The following MCF2L variants were observed in gnomAD, a reference collection of about 807,000 sequenced individuals.
The protein encoded by MCF2L is guanine nucleotide exchange factor DBS.
In MCF2L, 97 loss-of-function variants were observed where a neutral mutation model predicts 153.4. The observed-to-expected ratio is 0.63, with a 90% CI of 0.54 to 0.75. MCF2L has a LOEUF of 0.75. Among genes scored for constraint, MCF2L ranks in the 30% least tolerant of loss-of-function variants. The probability of loss-of-function intolerance (pLI) is 0.00; values close to 1 mark genes in which losing one functional copy is unlikely to be tolerated. For missense variants in MCF2L, 1,347 were observed against 1,495.2 expected (o/e 0.90, Z 1.64); for synonymous variants, 659 against 632.2 (o/e 1.04, Z -0.64).
At position 113,000,193 on chromosome 13, in the gene MCF2L, G is replaced by C. The variant is rs1484877867; in HGVS notation, c.80-14570G>C. 6.6e-5 allele frequency among the ~76,000 whole-genome samples: 10 copies of C among 152,356 alleles called. No homozygotes were observed. The South Asian group carries it at 8.3e-4, about 13-fold the overall frequency. On this transcript the variant is annotated intron_variant, in intron 1 of 29. Coordinates refer to ENST00000535094, the MANE Select transcript of MCF2L (RefSeq NM_001112732.3). ...GAACACAGAGATCCCAGACACAGGA[G>C]GTCTGGGTCAATGTGCACAGCCCAA... is the stretch of plus-strand genomic sequence containing the variant.
chr13:112,918,465 G>A (rs573081952), intron 2 of MCF2L, among the ~76,000 whole-genome samples: 6 of 152,310 alleles, frequency 3.9e-5, no homozygotes, highest in African/African-American at 1.4e-4. Context: ...GCAGGCCCTT[G>A]TCCTTGTTGG....
intron 23 of MCF2L, 53 bp from the exon 24 acceptor site, chr13:113,088,274 G>A (rs1595006450): frequency 1.4e-6 from 2 of 1,442,596 alleles, no homozygotes; most frequent in Non-Finnish European, 2.0e-6. Flanking sequence ...ACCAAAGCGT[G>A]TTTCCTCGGG....
At chr13:112,945,522 CT>C (rs2081628585) in intron 2 of MCF2L, among the ~76,000 whole-genome samples, 1 of 152,276 alleles carries the variant, frequency 6.6e-6, no homozygotes, top group East Asian at 1.9e-4. Context: ...TCTTTGGGAT[CT>C]TTTTTTATGA....
In MCF2L at chr13:113,090,158, A is replaced by G. The variant is rs905841391; in HGVS notation, c.2953+430A>G. On this transcript the variant is annotated intron_variant, in intron 26 of 29. Coordinates refer to ENST00000535094, the MANE Select transcript of MCF2L (RefSeq NM_001112732.3). Reference sequence around the variant, plus strand: ...GGTTTTGCTAACCTCAAAGGTCAGAAAGGTAAAAGTAGTGCCTGCCCCAAA... The same window carrying G: ...GGTTTTGCTAACCTCAAAGGTCAGAGAGGTAAAAGTAGTGCCTGCCCCAAA... 5.9e-6 allele frequency: 9 copies of G among 1,533,802 alleles called. No individual in the cohort carries two copies. The African/African-American group carries it at 1.2e-4, about 21-fold the overall frequency.
chr13:113,082,545 G>A lies in MCF2L; in HGVS notation c.1991+3G>A. 2.5e-6 allele frequency: 4 copies of A among 1,598,442 alleles called. No individual in the cohort carries two copies. Among genetic ancestry groups the A allele is most frequent in the Non-Finnish European group, 3.4e-6 (4 of 1,166,092 alleles). ...GAAATCTATCACTTCCACAACAGGT[G>A]GGCCCTTCCCCCCGACACAGGCACG... On this transcript the variant is annotated splice_donor_region_variant and intron_variant, in intron 17 of 29. Transcript: ENST00000535094.
intron 4 of MCF2L, 93 bp from the exon 5 acceptor site, chr13:113,060,500 G>C (rs1012678926): frequency 6.8e-7 from 1 of 1,479,976 alleles, no homozygotes; most frequent in East Asian, 2.3e-5. Context: ...CTAGCTGCGC[G>C]CCCCCGGTCA....
Position 113,064,266 on chromosome 13 carries a change from A to AAT in MCF2L, c.490-37_490-36dup. ...GGCAGCTCTTTTGGGAGCCAACAAT[A>AAT]ATCCCAAACACTACCACGCATTCCC... On this transcript the variant is annotated intron_variant, in intron 5 of 29. Transcript: ENST00000535094. This position sits in a 1 kb window ranked among gnomAD's most constrained non-coding sequence, Gnocchi z 6.0. 1 of 1,461,730 alleles carries AAT rather than the reference A, an allele frequency of 6.8e-7. No homozygotes were observed. Among genetic ancestry groups the AAT allele is most frequent in the Non-Finnish European group, 9.6e-7 (1 of 1,042,870 alleles). 90.5% of individuals were successfully genotyped at this position (1,461,730 alleles called of 1,614,324 possible).
At chr13:113,078,326 AG>A (rs773405740) in intron 13 of MCF2L, 36 bp from the exon 14 acceptor site, 2 of 1,550,262 alleles carry the variant, frequency 1.3e-6, no homozygotes, top group African/African-American at 2.7e-5. Flanking sequence ...AGAGGGTCAG[AG>A]GGGACTTCAT....
rs547901403 is a variant in MCF2L at position 113,064,099 on chromosome 13, C to G, written c.490-205C>G. ...GGGCCATAACACACACACGCCACCACGAGAGGAGGTGTCGGCGGGGCGCTG... is the reference window on the plus strand; with the variant it reads ...GGGCCATAACACACACACGCCACCAGGAGAGGAGGTGTCGGCGGGGCGCTG... On this transcript the variant is annotated intron_variant, in intron 5 of 29. Transcript: ENST00000535094. The surrounding 1 kb of genome is among the most constrained non-coding windows in gnomAD (Gnocchi z 6.0). 1.3e-5 allele frequency among the ~76,000 whole-genome samples: 2 copies of G among 152,184 alleles called. No individual in the cohort carries two copies. The highest frequency in any genetic ancestry group is 4.8e-5 in the African/African-American group (2 of 41,452).
intron 1 of MCF2L, among the ~76,000 whole-genome samples, chr13:113,002,404 G>A (rs948594096): frequency 6.6e-6 from 1 of 152,272 alleles, no homozygotes; most frequent in Admixed American, 6.5e-5. Flanking sequence ...TGGTGGAGGG[G>A]CTGCGGCTCC....
intron 1 of MCF2L, among the ~76,000 whole-genome samples, chr13:112,998,791 C>T (rs186067356): frequency 1.7e-4 from 26 of 152,278 alleles, no homozygotes; most frequent in Admixed American, 1.3e-3. Context: ...TTTTATGAAT[C>T]GGAAACTGGA....
rs181639233 is a variant in MCF2L, at chr13:113,090,891, C to T, written c.2953+1163C>T. On this transcript the variant is annotated intron_variant, in intron 26 of 29. Transcript: ENST00000535094. ...TCCCTAGAGACGGGCCCCGAAAGGA[C>T]GCCTCTGAGTGCCGCAGCCCCCACT... 1.2e-4 allele frequency: 143 copies of T among 1,165,402 alleles called. No homozygotes were observed. The African/African-American group carries it at 1.4e-3, about 11-fold the overall frequency. 72.2% of individuals were successfully genotyped at this position (1,165,402 alleles called of 1,614,324 possible).
At chr13:113,026,531 T>C (rs72661993) in intron 3 of MCF2L, among the ~76,000 whole-genome samples, 18,775 of 152,254 alleles carry the variant, frequency 0.12, 1,553 homozygotes, top group East Asian at 0.21. Flanking sequence ...GCCTGAGCGC[T>C]GCTGTGCTCC....
intron 1 of MCF2L, among the ~76,000 whole-genome samples, chr13:113,012,946 T>C (rs1450290650): frequency 1.4e-5 from 2 of 142,172 alleles, no homozygotes; most frequent in Non-Finnish European, 1.5e-5. Context: ...GTGTGGACGG[T>C]GGACACTGTG....
In MCF2L at chr13:112,918,484, T is replaced by C. The variant is rs534065186; in HGVS notation, c.169+16113T>C. On this transcript the variant is annotated intron_variant, in intron 2 of 29. Coordinates refer to the MCF2L transcript ENST00000375608. ...GCCCTTGTCCTTGTTGGGTTGCATA[T>C]GGAGAGAATGTCCATGGGGAGAGAG... is the stretch of plus-strand genomic sequence containing the variant. Among the ~76,000 whole-genome samples, 6 of 152,148 alleles carry C rather than the reference T, an allele frequency of 3.9e-5. No homozygotes were observed. In the South Asian group the frequency reaches 1.2e-3, roughly 32 times the overall value.
At chr13:113,067,081 G>A (rs2032492472) in intron 8 of MCF2L, among the ~76,000 whole-genome samples, 1 of 152,262 alleles carries the variant, frequency 6.6e-6, no homozygotes, top group Admixed American at 6.5e-5. Flanking sequence ...CCTGGCCTGT[G>A]TCAGGCACCT....
At chr13:112,896,465 T>A (rs58811248) in intron 1 of MCF2L, among the ~76,000 whole-genome samples, 1 of 151,516 alleles carries the variant, frequency 6.6e-6, no homozygotes, top group African/African-American at 2.4e-5. Context: ...AGGCCCCCCC[T>A]GTCTTTACAG....
chr13:112,945,251 A>G (rs1566654048), intron 2 of MCF2L, among the ~76,000 whole-genome samples: 1 of 152,178 alleles, frequency 6.6e-6, no homozygotes, highest in Non-Finnish European at 1.5e-5. Flanking sequence ...CTCAAGACCT[A>G]AAACTGCATA....
intron 2 of MCF2L, among the ~76,000 whole-genome samples, chr13:112,918,041 A>T (rs2081313347): frequency 6.6e-6 from 1 of 152,206 alleles, no homozygotes; most frequent in African/African-American, 2.4e-5. Context: ...TTTTCTAACC[A>T]GTGGCATAAT....
Sources: gnomAD v4.1 joint callset for allele counts (sites outside exome capture counted in the v4.1 genomes callset) on GRCh38, gnomAD v4.1.1 for gene constraint, Gnocchi (gnomAD v3.1) non-coding constraint, MANE v1.5 for transcripts, NCBI Gene and HGNC (gene_info 2026-07-23, HGNC 2026-07-21) for gene names.